The following BCHE variants were observed in gnomAD, a reference collection of about 807,000 sequenced individuals.
BCHE encodes the protein cholinesterase.
Under a neutral mutation model 51.3 loss-of-function variants are expected in BCHE, and 48 were observed. The observed-to-expected ratio is 0.94, with a 90% confidence interval of 0.74 to 1.19. The LOEUF is 1.19. Ranked by LOEUF, BCHE falls within the 50% of genes most tolerant of loss-of-function variation. BCHE has a pLI of 0.00. For synonymous variants in BCHE, 251 were observed against 238.0 expected, an observed-to-expected ratio of 1.05 and a Z score of -0.50; for missense variants, 847 against 708.2, an observed-to-expected ratio of 1.20 and a Z score of -2.23.
At chr3:165,834,994 A>C (rs1157482233) in intron 1 of BCHE, among the ~76,000 whole-genome samples, 1 of 151,910 alleles carries the variant, frequency 6.6e-6, no homozygotes, top group Non-Finnish European at 1.5e-5. Flanking sequence ...TTTGCTTATC[A>C]AAATAGTATT....
intron 2 of BCHE, among the ~76,000 whole-genome samples, chr3:165,807,495 A>G (rs1412761379): frequency 6.6e-6 from 1 of 151,680 alleles, no homozygotes. Flanking sequence ...ATTGAGATAA[A>G]GATAAAGAAA....
In BCHE at chr3:165,830,149, T is replaced by A; in HGVS notation, c.885A>T (p.Lys295Asn). The A allele has an allele frequency of 6.2e-7, 1 of 1,613,970 alleles. No individual in the cohort carries two copies. The highest frequency in any genetic ancestry group is 8.5e-7 in the Non-Finnish European group (1 of 1,179,924). Reference protein sequence around the residue: ...ETEIIKCLRNKDPQEILLNEA... With the variant: ...ETEIIKCLRNNDPQEILLNEA... ...CATTCAGAAGAATTTCTTGGGGATC[T>A]TTATTTCTAAGACACTTGATTATTT... The change falls in exon 2 of 4, where the codon AAA becomes AAT. Residue 295 changes from lysine (K) to asparagine (N), a missense_variant. Lys to Asn is a moderately conservative substitution (Grantham distance 94, BLOSUM62 0). Coordinates refer to ENST00000264381, the MANE Select transcript of BCHE (RefSeq NM_000055.4).
At chr3:165,826,004 T>C (rs897224259) in intron 2 of BCHE, among the ~76,000 whole-genome samples, 3 of 152,100 alleles carry the variant, frequency 2.0e-5, no homozygotes, top group Non-Finnish European at 4.4e-5. Flanking sequence ...TTGCAAGTGA[T>C]GCTGAAGATG....
At chr3:165,819,075 T>TA (rs1046074678) in intron 2 of BCHE, among the ~76,000 whole-genome samples, 1 of 1,018 alleles carries the variant, frequency 9.8e-4, no homozygotes, top group Non-Finnish European at 7.0e-3. Flanking sequence ...TTTTAACTTC[T>TA]TTTTTTTTTT....
At chr3:165,822,372 C>T (rs1714556487) in intron 2 of BCHE, among the ~76,000 whole-genome samples, 1 of 151,858 alleles carries the variant, frequency 6.6e-6, no homozygotes, top group Admixed American at 6.6e-5. Flanking sequence ...TAAGTTTAAT[C>T]TTAGATGAGA....
At position 165,803,091 on chromosome 3, in the gene BCHE, T is replaced by A. The variant is rs756728672; in HGVS notation, c.1518-16780A>T. On this transcript the variant is annotated intron_variant, in intron 2 of 3. Transcript: ENST00000264381. ...ACAGGAAAAGAGAAGAAAAGAGAAATAAGAACTGAGCTCTGGGAAGATTTA... is the reference window on the plus strand; with the variant it reads ...ACAGGAAAAGAGAAGAAAAGAGAAAAAAGAACTGAGCTCTGGGAAGATTTA... 2.0e-5 allele frequency among the ~76,000 whole-genome samples: 3 copies of A among 152,000 alleles called. No individual in the cohort carries two copies. In the South Asian group the frequency reaches 6.2e-4, roughly 32 times the overall value.
At chr3:165,773,649 A>T (rs551059229) in intron 3 of BCHE, 143 bp from the exon 4 acceptor site, 1 of 648,978 alleles carries the variant, frequency 1.5e-6, no homozygotes, top group East Asian at 3.0e-5. Flanking sequence ...ATTTGTTATT[A>T]GCTCGCTTTG....
intron 2 of BCHE, among the ~76,000 whole-genome samples, chr3:165,795,931 G>T (rs1316757483): frequency 2.0e-5 from 3 of 152,072 alleles, no homozygotes; most frequent in Non-Finnish European, 4.4e-5. Context: ...AAAAAGAAGG[G>T]AAGAGAAAGG....
chr3:165,821,933 A>AC (rs372262487), intron 2 of BCHE, among the ~76,000 whole-genome samples: 9,667 of 151,938 alleles, frequency 0.064, 390 homozygotes, highest in African/African-American at 0.097. Flanking sequence ...AAATGTATTA[A>AC]TACATTTTTG....
chr3:165,823,366 G>A (rs530639917), intron 2 of BCHE, among the ~76,000 whole-genome samples: 21 of 152,120 alleles, frequency 1.4e-4, no homozygotes, highest in African/African-American at 4.6e-4. Context: ...GAAAGTGTTG[G>A]ACTTTCACCT....
At chr3:165,799,869 C>G (rs1576849466) in intron 2 of BCHE, among the ~76,000 whole-genome samples, 1 of 152,088 alleles carries the variant, frequency 6.6e-6, no homozygotes, top group East Asian at 1.9e-4. Flanking sequence ...ATGTGTGCTA[C>G]CTACCATATA....
At chr3:165,788,330 C>A (rs1713040027) in intron 2 of BCHE, among the ~76,000 whole-genome samples, 1 of 151,882 alleles carries the variant, frequency 6.6e-6, no homozygotes, top group Non-Finnish European at 1.5e-5. Context: ...TCTTGATGTA[C>A]TAGTTTATTT....
intron 1 of BCHE, among the ~76,000 whole-genome samples, chr3:165,832,512 G>A (rs1396651287): frequency 3.9e-5 from 6 of 151,922 alleles, no homozygotes; most frequent in Non-Finnish European, 5.9e-5. Context: ...GGCTGGTCTC[G>A]AACTCCTGAC....
chr3:165,796,994 A>G (rs945922923), intron 2 of BCHE, among the ~76,000 whole-genome samples: 2 of 152,118 alleles, frequency 1.3e-5, no homozygotes, highest in African/African-American at 4.8e-5. Context: ...TTGCATAATT[A>G]GCTGGCAAGT....
At chr3:165,799,508 T>C (rs1231095424) in intron 2 of BCHE, among the ~76,000 whole-genome samples, 1 of 152,138 alleles carries the variant, frequency 6.6e-6, no homozygotes, top group African/African-American at 2.4e-5. Context: ...TATATCTACA[T>C]AAAAGATGTT....
chr3:165,781,908 A>G (rs1222772774), intron 3 of BCHE, among the ~76,000 whole-genome samples: 1 of 152,200 alleles, frequency 6.6e-6, no homozygotes, highest in Non-Finnish European at 1.5e-5. Context: ...TGGATGAATG[A>G]TAAACACACA....
At chr3:165,813,181 T>C (rs1714171925) in intron 2 of BCHE, among the ~76,000 whole-genome samples, 1 of 151,840 alleles carries the variant, frequency 6.6e-6, no homozygotes, top group African/African-American at 2.4e-5. Flanking sequence ...AATCATACTA[T>C]TAAATAAGAC....
At chr3:165,780,265 T>C (rs1044562936) in intron 3 of BCHE, among the ~76,000 whole-genome samples, 3 of 152,154 alleles carry the variant, frequency 2.0e-5, no homozygotes, top group Non-Finnish European at 2.9e-5. Flanking sequence ...TAACTCAAGA[T>C]GGATTAAAGA....
rs1714768901 is a variant in BCHE at position 165,827,445 on chromosome 3, T to A, written c.1517+2072A>T. 5.9e-5 allele frequency among the ~76,000 whole-genome samples: 9 copies of A among 151,536 alleles called. No individual in the cohort carries two copies. In the South Asian group the frequency reaches 1.7e-3, roughly 28 times the overall value. On this transcript the variant is annotated intron_variant, in intron 2 of 3. Coordinates refer to ENST00000264381, the MANE Select transcript of BCHE (RefSeq NM_000055.4). ...ATATTAAATAACCTTATTAATTAATTAATAATTAAATAATTAAGTATTAAA... is the reference window on the plus strand; with the variant it reads ...ATATTAAATAACCTTATTAATTAATAAATAATTAAATAATTAAGTATTAAA...
Sources: gnomAD v4.1 joint callset for allele counts (sites outside exome capture counted in the v4.1 genomes callset) on GRCh38, gnomAD v4.1.1 for gene constraint, MANE v1.5 for transcripts, NCBI Gene and HGNC (gene_info 2026-07-23, HGNC 2026-07-21) for gene names.